The following TBC1D30 variants were observed in gnomAD, a reference collection of about 807,000 sequenced individuals.
TBC1D30 encodes TBC1 domain family, member 30.
A neutral mutation model predicts 63.2 loss-of-function variants in TBC1D30; 31 were observed. The ratio of observed to expected loss-of-function variants is 0.49; its 90% CI spans 0.37 to 0.66. The LOEUF is 0.66. Among genes scored for constraint, TBC1D30 ranks in the 30% least tolerant of loss-of-function variants. The pLI is 0.00. For missense variants in TBC1D30, 810 were observed against 953.6 expected (o/e 0.85, Z 1.98); for synonymous variants, 307 against 361.5 (o/e 0.85, Z 1.71).
At chr12:64,790,105 G>A (rs1871835567) in intron 2 of TBC1D30, among the ~76,000 whole-genome samples, 1 of 152,138 alleles carries the variant, frequency 6.6e-6, no homozygotes, top group South Asian at 2.1e-4. Context: ...TTTCTTAGCA[G>A]TTAGATAGAT....
chr12:64,759,507 G>C lies in TBC1D30; in HGVS notation c.-518G>C, dbSNP rs866452275. ...GTGGGCGGGGCTGCGGACTGGCGCA[G>C]CCTGGAGGGAGGCATCAGGCAGTGG... On this transcript the variant is annotated 5_prime_UTR_variant, in exon 1 of 14. Transcript: ENST00000674237. 2.4e-5 allele frequency: 12 copies of C among 506,246 alleles called. No individual in the cohort carries two copies. In the East Asian group the frequency reaches 3.2e-4, roughly 13 times the overall value. 31.4% of individuals were successfully genotyped at this position (506,246 alleles called of 1,614,324 possible).
rs528811952 is a variant in TBC1D30, at chr12:64,870,352, T to G, written c.1292-250T>G. Among the ~76,000 whole-genome samples the G allele has an allele frequency of 9.2e-5, 14 of 152,318 alleles. No individual in the cohort carries two copies. The East Asian group carries it at 1.9e-3, about 21-fold the overall frequency. On this transcript the variant is annotated intron_variant, in intron 10 of 11. Transcript: ENST00000539867. ...TGTTATGTCTATATAGCTAACAAACTGGTAACAAAATCAAACTCTGAACCC... is the reference window on the plus strand; with the variant it reads ...TGTTATGTCTATATAGCTAACAAACGGGTAACAAAATCAAACTCTGAACCC...
At chr12:64,828,419 C>T (rs927649817) in intron 2 of TBC1D30, 25 bp from the exon 3 acceptor site, 1 of 1,523,522 alleles carries the variant, frequency 6.6e-7, no homozygotes, top group Non-Finnish European at 8.8e-7. Flanking sequence ...GTGATCACCT[C>T]CTGGGATTTC....
At chr12:64,861,355 T>C (rs1157346765) in intron 8 of TBC1D30, among the ~76,000 whole-genome samples, 1 of 152,208 alleles carries the variant, frequency 6.6e-6, no homozygotes, top group Non-Finnish European at 1.5e-5. Context: ...AGGAGAGAAA[T>C]GGTGAATGTC....
intron 11 of TBC1D30, among the ~76,000 whole-genome samples, chr12:64,872,841 G>T (rs990244580): frequency 6.6e-6 from 1 of 152,164 alleles, no homozygotes; most frequent in Non-Finnish European, 1.5e-5. Flanking sequence ...GAGAACTTGT[G>T]CAGGGAAACT....
chr12:64,824,556 G>A (rs1249640913), upstream of TBC1D30: 2 of 271,312 alleles, frequency 7.4e-6, no homozygotes, highest in African/African-American at 2.2e-5. Context: ...CGGCGGTGCC[G>A]GGATTGGGGG....
chr12:64,836,462 G>T, intron 5 of TBC1D30, 28 bp from the exon 6 acceptor site: 2 of 1,522,622 alleles, frequency 1.3e-6, no homozygotes, highest in Non-Finnish European at 1.8e-6. Flanking sequence ...TTACAAAGCA[G>T]TCTTAAGCTT....
In TBC1D30 at chr12:64,876,849, C is replaced by A. The variant is rs1185237349; in HGVS notation, c.*1061C>A. 1 of 456,082 alleles carries A rather than the reference C, an allele frequency of 2.2e-6. No homozygotes were observed. Among genetic ancestry groups the A allele is most frequent in the Non-Finnish European group, 4.4e-6 (1 of 226,802 alleles). 28.3% of individuals were successfully genotyped at this position (456,082 alleles called of 1,614,324 possible). On this transcript the variant is annotated 3_prime_UTR_variant, in exon 12 of 12. Coordinates refer to ENST00000539867, the MANE Select transcript of TBC1D30 (RefSeq NM_015279.2). ...CCCTTTCTAGCTCTCTCTCACCCAG[C>A]GGGTCAGGGATAGCACCTCTTGTCT...
chr12:64,855,715 C>T (rs1167119904), intron 8 of TBC1D30, among the ~76,000 whole-genome samples: 6 of 152,110 alleles, frequency 3.9e-5, no homozygotes, highest in Non-Finnish European at 8.8e-5. Context: ...ATTCTGAATT[C>T]CTTCTCTGTG....
At chr12:64,790,442 T>C (rs1410936922) in intron 2 of TBC1D30, among the ~76,000 whole-genome samples, 1 of 152,232 alleles carries the variant, frequency 6.6e-6, no homozygotes, top group East Asian at 1.9e-4. Flanking sequence ...TAGCATTGTA[T>C]AGTTTTGCTA....
chr12:64,825,259 G>T (rs750352144), intron 1 of TBC1D30: 1 of 499,206 alleles, frequency 2.0e-6, no homozygotes, highest in Non-Finnish European at 3.3e-6. Context: ...CGGAGAACCC[G>T]CTGCTTCCAC....
At chr12:64,767,077 C>T (rs886188890) in intron 1 of TBC1D30, among the ~76,000 whole-genome samples, 14 of 151,648 alleles carry the variant, frequency 9.2e-5, no homozygotes, top group African/African-American at 3.4e-4. Context: ...GCTGTAAATG[C>T]CTATATTTAA....
chr12:64,825,644 A>G (rs1874268797), intron 1 of TBC1D30: 2 of 152,456 alleles, frequency 1.3e-5, no homozygotes, highest in Admixed American at 1.3e-4. Context: ...GGCCCTTCCC[A>G]CTGTCAGCCT....
chr12:64,781,037 C>T, exon 1 of TBC1D30: 3 of 1,024,156 alleles, frequency 2.9e-6, no homozygotes, highest in Non-Finnish European at 3.5e-6. Context: ...CCGCACAAGC[C>T]GCACGGCGTC....
intron 8 of TBC1D30, among the ~76,000 whole-genome samples, chr12:64,855,975 A>G (rs1476107541): frequency 6.6e-6 from 1 of 152,206 alleles, no homozygotes; most frequent in Non-Finnish European, 1.5e-5. Flanking sequence ...TTGCATTGCT[A>G]CAAAGAAATA....
intron 1 of TBC1D30, among the ~76,000 whole-genome samples, chr12:64,768,723 G>C (rs1218604281): frequency 6.6e-6 from 1 of 152,172 alleles, no homozygotes; most frequent in East Asian, 1.9e-4. Context: ...GTGACTCTTG[G>C]CAAATGCAAG....
intron 1 of TBC1D30, among the ~76,000 whole-genome samples, chr12:64,769,476 C>G (rs1870828823): frequency 6.6e-6 from 1 of 151,402 alleles, no homozygotes; most frequent in African/African-American, 2.4e-5. Flanking sequence ...CTCCCGGATT[C>G]AAGCAATTCT....
chr12:64,835,647 A>G (rs75657416), intron 5 of TBC1D30, among the ~76,000 whole-genome samples: 2 of 152,172 alleles, frequency 1.3e-5, no homozygotes, highest in Admixed American at 6.5e-5. Flanking sequence ...AAACAAAGAA[A>G]GTAGAGGTAG....
chr12:64,836,718 A>G, intron 6 of TBC1D30, 60 bp downstream of exon 6: 1 of 1,398,050 alleles, frequency 7.2e-7, no homozygotes, highest in Non-Finnish European at 9.6e-7. Context: ...CCACTGTACA[A>G]ATGAGCCTAA....
Sources: allele counts gnomAD v4.1 joint callset (sites outside exome capture counted in the v4.1 genomes callset), GRCh38; gene constraint gnomAD v4.1.1; transcripts MANE v1.5; gene names NCBI Gene and HGNC (gene_info 2026-07-23, HGNC 2026-07-21).